PPFIA4: variants seen among roughly 807,000 people sequenced by gnomAD.
The protein encoded by PPFIA4 is PPFI scaffold protein A4.
PPFIA4 carries 98 observed loss-of-function variants against 145.7 expected under a neutral mutation model. The ratio of observed to expected loss-of-function variants is 0.67; its 90% CI spans 0.57 to 0.80. The LOEUF is 0.80. Ranked by LOEUF, PPFIA4 falls within the 30% of genes least tolerant of loss-of-function variation. PPFIA4 has a pLI of 0.00. For missense variants in PPFIA4, 1,457 were observed against 1,632.7 expected (o/e 0.89, Z 1.85); for synonymous variants, 628 against 649.6 (o/e 0.97, Z 0.51).
chr1:203,076,035 C>T (rs960356789), intron 29 of PPFIA4: 4 of 582,416 alleles, frequency 6.9e-6, no homozygotes, highest in African/African-American at 5.7e-5. Context: ...GACCCCCCAT[C>T]CTCCCGCCCC....
chr1:203,043,366 T>G lies in PPFIA4; in HGVS notation c.235-31T>G, dbSNP rs778109207. The G allele has an allele frequency of 4.4e-6, 7 of 1,577,340 alleles. No individual in the cohort carries two copies. The highest frequency in any genetic ancestry group is 6.0e-6 in the Non-Finnish European group (7 of 1,158,524). On this transcript the variant is annotated intron_variant, in intron 2 of 29. Coordinates refer to ENST00000295706, the MANE Select transcript of PPFIA4 (RefSeq NM_001304331.2). This position sits in a 1 kb window ranked among gnomAD's most constrained non-coding sequence, Gnocchi z 4.4. ...AGGACACTGCTTTGGGGGTGAATCC[T>G]GAAGCACTGAGGGGCCTTGGGGGTT...
intron 19 of PPFIA4, among the ~76,000 whole-genome samples, chr1:203,058,714 G>A (rs566046726): frequency 1.1e-4 from 16 of 152,162 alleles, no homozygotes; most frequent in Non-Finnish European, 2.2e-4. Context: ...TCCCCTTTGT[G>A]GTTTTGTGCA....
chr1:203,061,488 A>G, intron 23 of PPFIA4, 164 bp from the exon 24 acceptor site: 1 of 669,504 alleles, frequency 1.5e-6, no homozygotes. Context: ...ATGGGTGCAC[A>G]CACCAACCTT....
At chr1:203,063,670 G>C in intron 24 of PPFIA4, 158 bp from the exon 25 acceptor site, 1 of 653,020 alleles carries the variant, frequency 1.5e-6, no homozygotes, top group South Asian at 1.9e-5. Context: ...ACCACTACCA[G>C]CCCCCTTATT....
intron 1 of PPFIA4, among the ~76,000 whole-genome samples, 173 bp from the exon 2 acceptor site, chr1:203,038,437 T>A (rs932513754): frequency 1.8e-4 from 28 of 152,164 alleles, no homozygotes; most frequent in African/African-American, 6.5e-4. Flanking sequence ...GTGCATTCCT[T>A]GGGAGAACTA....
At chr1:203,072,888 C>T (rs1438636479) in intron 28 of PPFIA4, among the ~76,000 whole-genome samples, 1 of 149,652 alleles carries the variant, frequency 6.7e-6, no homozygotes, top group Non-Finnish European at 1.5e-5. Context: ...AACTGGCAGC[C>T]CCCCCTCCCC....
At position 203,051,845 on chromosome 1, in the gene PPFIA4, C is replaced by A. The variant is rs182916968; in HGVS notation, c.1588C>A (p.Arg530Ser). Residue 530 changes from arginine (R) to serine (S), a missense_variant, in exon 14 of 30, where the codon CGC (arginine) becomes AGC (serine). Transcript: ENST00000295706. Reference sequence around the variant, plus strand: ...ACACGCACCCCCAGGCGTGCATCGCCGCTACTCGGCATTGAGGGAAGAGTC... The same window carrying A: ...ACACGCACCCCCAGGCGTGCATCGCAGCTACTCGGCATTGAGGGAAGAGTC... ...TTHAPPGVHR[R>S]YSALREESAK... The A allele has an allele frequency of 6.2e-7, 1 of 1,613,694 alleles. No individual in the cohort carries two copies. Among genetic ancestry groups the A allele is most frequent in the Admixed American group, 1.7e-5 (1 of 59,992 alleles).
intron 1 of PPFIA4, chr1:203,034,399 G>A (rs1659066897): frequency 2.2e-6 from 1 of 453,252 alleles, no homozygotes; most frequent in South Asian, 1.6e-5. Flanking sequence ...GGCTTCTGGG[G>A]GTACAAAGCT....
intron 27 of PPFIA4, among the ~76,000 whole-genome samples, chr1:203,071,328 T>C (rs867825226): frequency 4.6e-5 from 7 of 151,950 alleles, no homozygotes; most frequent in Non-Finnish European, 8.8e-5. Flanking sequence ...TGCCACACCA[T>C]GCCTGGCTAA....
In PPFIA4 at chr1:203,051,835, C is replaced by T. The variant is rs576783592; in HGVS notation, c.1578C>T (p.Gly526=). ...SLGTTTHAPP[G]VHRRYSALRE... Reference sequence around the variant, plus strand: ...GCACAACCACACACGCACCCCCAGGCGTGCATCGCCGCTACTCGGCATTGA... The same window carrying T: ...GCACAACCACACACGCACCCCCAGGTGTGCATCGCCGCTACTCGGCATTGA... Residue 526 remains glycine (G), a synonymous_variant, in exon 14 of 30, where the codon GGC becomes GGT. Coordinates refer to ENST00000295706, the MANE Select transcript of PPFIA4 (RefSeq NM_001304331.2). 32 of 1,613,808 alleles carry T rather than the reference C, an allele frequency of 2.0e-5. No individual in the cohort carries two copies. Among genetic ancestry groups the T allele is most frequent in the Admixed American group, 5.0e-5 (3 of 59,998 alleles).
At chr1:203,070,896 A>AT (rs991277899) in intron 27 of PPFIA4, among the ~76,000 whole-genome samples, 8 of 150,756 alleles carry the variant, frequency 5.3e-5, no homozygotes, top group East Asian at 1.9e-4. Context: ...CTTTCAGACA[A>AT]TTTTTTTTCC....
intron 9 of PPFIA4, among the ~76,000 whole-genome samples, chr1:203,047,364 G>T (rs149865290): frequency 3.9e-5 from 6 of 152,320 alleles, no homozygotes; most frequent in African/African-American, 1.4e-4. Flanking sequence ...AGGAATGAAG[G>T]ATTGGGTTGA....
chr1:203,063,795 C>T (rs1267930510), intron 24 of PPFIA4, 33 bp from the exon 25 acceptor site: 1 of 1,612,336 alleles, frequency 6.2e-7, no homozygotes, highest in Non-Finnish European at 8.5e-7. Context: ...ACCTTCCTCC[C>T]CCATAATAGC....
chr1:203,048,274 G>A lies in PPFIA4; in HGVS notation c.1188G>A (p.Glu396=). ...GNIEEHLRQL[E]GQLEEKNQEL... is the part of the protein sequence containing the mutation. ...TTGAGGAGCACCTGCGGCAGCTGGAGGGACAGCTGGAGGAGAAGAACCAGG... is the reference window on the plus strand; with the variant it reads ...TTGAGGAGCACCTGCGGCAGCTGGAAGGACAGCTGGAGGAGAAGAACCAGG... Residue 396 remains glutamate (E), a synonymous_variant, in exon 10 of 30, where the codon GAG becomes GAA. Transcript: ENST00000295706. This position sits in a 1 kb window ranked among gnomAD's most constrained non-coding sequence, Gnocchi z 5.8. 3 of 1,612,828 alleles carry A rather than the reference G, an allele frequency of 1.9e-6. No individual in the cohort carries two copies. Among genetic ancestry groups the A allele is most frequent in the Non-Finnish European group, 2.5e-6 (3 of 1,179,850 alleles).
At chr1:203,032,788 G>T (rs1183740153) in intron 1 of PPFIA4, among the ~76,000 whole-genome samples, 3 of 152,048 alleles carry the variant, frequency 2.0e-5, no homozygotes, top group African/African-American at 7.2e-5. Context: ...GGGTGGCAAT[G>T]GCAAGGGTGA....
intron 27 of PPFIA4, among the ~76,000 whole-genome samples, chr1:203,069,071 C>A (rs192162987): frequency 6.6e-6 from 1 of 152,276 alleles, no homozygotes; most frequent in Admixed American, 6.5e-5. Flanking sequence ...TGCTCCTGGG[C>A]CCCCAGCCTT....
Position 203,046,306 on chromosome 1 carries a change from A to G in PPFIA4, c.1064A>G (p.Gln355Arg), listed in dbSNP as rs2102637678. The G allele has an allele frequency of 1.3e-6, 2 of 1,595,942 alleles. No individual in the cohort carries two copies. The highest frequency in any genetic ancestry group is 1.3e-5 in the African/African-American group (1 of 74,720). Residue 355 changes from glutamine to arginine, a missense_variant, in exon 9 of 30, where the codon CAG (glutamine) becomes CGG (arginine). Transcript: ENST00000295706. The part of the protein sequence containing the change: ...ELLEVAEQKL[Q>R]QTMRKAETLP... ...CTGGAGGTGGCAGAGCAGAAGCTGC[A>G]GCAGACGATGCGCAAGGCAGAGACG... is the stretch of plus-strand genomic sequence containing the variant.
intron 1 of PPFIA4, among the ~76,000 whole-genome samples, chr1:203,038,171 T>C (rs1218601699): frequency 1.3e-5 from 2 of 152,180 alleles, no homozygotes; most frequent in Non-Finnish European, 2.9e-5. Context: ...GAGTCCTTTC[T>C]ACCCATCTGC....
chr1:203,053,793 C>CA lies in PPFIA4; in HGVS notation c.1662dup (p.Ala555SerfsTer6). 6.4e-7 allele frequency: 1 copy of CA among 1,552,338 alleles called. No individual in the cohort carries two copies. Among genetic ancestry groups the CA allele is most frequent in the Non-Finnish European group, 8.7e-7 (1 of 1,147,600 alleles). ...CCACTGCCTGGGATGCTGGCCCCGG[C>CA]AGCTGGCCCTGCCTTTGACAGTGAC... On this transcript the variant is annotated frameshift_variant, in exon 15 of 30. Transcript: ENST00000295706. LOFTEE classifies it high-confidence loss of function.
Sources: allele counts gnomAD v4.1 joint callset (sites outside exome capture counted in the v4.1 genomes callset), GRCh38; gene constraint gnomAD v4.1.1; non-coding constraint Gnocchi (gnomAD v3.1); transcripts MANE v1.5; gene names NCBI Gene and HGNC (gene_info 2026-07-23, HGNC 2026-07-21).